The following DMXL1 variants were observed in gnomAD, a reference collection of about 807,000 sequenced individuals.
DMXL1 encodes the protein Dmx like 1, also known as dmX-like protein 1.
Under a neutral mutation model 319.2 loss-of-function variants are expected in DMXL1, and 99 were observed. That is an observed-to-expected ratio of 0.31 (90% CI 0.26 to 0.37). DMXL1 has a LOEUF of 0.37. Ranked by LOEUF, DMXL1 falls within the 10% of genes least tolerant of loss-of-function variation. The pLI is 1.00. For missense variants in DMXL1, 3,745 were observed against 3,595.6 expected (o/e 1.04, Z -1.06); for synonymous variants, 1,385 against 1,235.2 (o/e 1.12, Z -2.54).
rs928078735 is a variant in DMXL1, at chr5:119,071,310, C to G, written c.-260C>G. The G allele has an allele frequency of 4.1e-6, 2 of 487,098 alleles. No individual in the cohort carries two copies. Among genetic ancestry groups the G allele is most frequent in the Admixed American group, 8.0e-5 (2 of 25,110 alleles). The allele number at this position is 487,098 out of a possible 1,614,324, so 30.2% of individuals were successfully genotyped here. A position where few individuals can be genotyped will look rare whatever the true frequency, so the allele number is the denominator to read the frequency against. ...GAGGGGACCCTGAGCTTCACCTGGG[C>G]TAGCGCGGGGAGTGACAGGTGCGCG... On this transcript the variant is annotated 5_prime_UTR_variant, in exon 1 of 44. Transcript: ENST00000539542.
chr5:119,178,335 A>C (rs1776202795), intron 28 of DMXL1, 91 bp downstream of exon 28: 1 of 1,418,484 alleles, frequency 7.0e-7, no homozygotes, highest in Non-Finnish European at 9.6e-7. Flanking sequence ...TAGTTATAGA[A>C]AGTTCTGGTT....
At chr5:119,200,398 AC>A (rs1332527548) in intron 32 of DMXL1, among the ~76,000 whole-genome samples, 1 of 152,018 alleles carries the variant, frequency 6.6e-6, no homozygotes, top group Non-Finnish European at 1.5e-5. Flanking sequence ...GTGTCACCTT[AC>A]TTCCCAGTTC....
Position 119,170,380 on chromosome 5 carries a change from TG to T in DMXL1, c.5590del (p.Ala1864LeufsTer3). 1 of 1,613,984 alleles carries T rather than the reference TG, an allele frequency of 6.2e-7. No homozygotes were observed. Among genetic ancestry groups the T allele is most frequent in the Non-Finnish European group, 8.5e-7 (1 of 1,179,948 alleles). On this transcript the variant is annotated frameshift_variant, in exon 24 of 44. Coordinates refer to ENST00000539542, the MANE Select transcript of DMXL1 (RefSeq NM_001290321.3). LOFTEE classifies it high-confidence loss of function. The part of the protein sequence containing the change: ...ERRLFFTTAS[A>X]HLKAGCPMLA... ...GACGTTTATTTTTTACCACTGCCAGTGCTCATTTAAAAGCTGGCTGCCCAAT... is the reference window on the plus strand; with the variant it reads ...GACGTTTATTTTTTACCACTGCCAGTCTCATTTAAAAGCTGGCTGCCCAAT...
At chr5:119,093,753 A>C (rs1339413788) in intron 1 of DMXL1, among the ~76,000 whole-genome samples, 1 of 143,756 alleles carries the variant, frequency 7.0e-6, no homozygotes, top group Non-Finnish European at 1.5e-5. Context: ...GGAAACTATT[A>C]ATTAAAGTTC....
Position 119,129,257 on chromosome 5 carries a change from T to A in DMXL1, c.1149T>A (p.Asn383Lys), listed in dbSNP as rs924480604. Residue 383 changes from asparagine (N) to lysine (K), a missense_variant, in exon 10 of 44, where the codon AAT becomes AAA. By Grantham distance (94) the Asn-to-Lys change is moderately conservative. Transcript: ENST00000539542. The part of the protein sequence containing the change: ...PSITSLSLNE[N>K]EEKTGPFVVH... The stretch of plus-strand genomic sequence containing the variant: ...TTACATCTCTGAGTCTAAATGAAAA[T>A]GAAGAGAAGACCGGACCTTTTGTTG... The A allele has an allele frequency of 6.2e-7, 1 of 1,613,526 alleles. No homozygotes were observed. The highest frequency in any genetic ancestry group is 8.5e-7 in the Non-Finnish European group (1 of 1,179,686).
chr5:119,207,162 C>G (rs991793375), intron 34 of DMXL1, among the ~76,000 whole-genome samples: 1 of 152,036 alleles, frequency 6.6e-6, no homozygotes, highest in African/African-American at 2.4e-5. Flanking sequence ...AACTAAAGTT[C>G]TTAATACATG....
In DMXL1 at chr5:119,071,768, G is replaced by A. The variant is rs994382537; in HGVS notation, c.87+112G>A. ...GCGCGAGGTCTTGTCTCCCCAGGGG[G>A]GTCCTTACCACCCAGAACCCAGCAG... On this transcript the variant is annotated intron_variant, in intron 1 of 43. Transcript: ENST00000539542. 7 of 971,610 alleles carry A rather than the reference G, an allele frequency of 7.2e-6. No homozygotes were observed. The South Asian group carries it at 1.0e-4, about 14-fold the overall frequency. The allele number at this position is 971,610 out of a possible 1,614,324, so 60.2% of individuals were successfully genotyped here. A position where few individuals can be genotyped will look rare whatever the true frequency, so the allele number is the denominator to read the frequency against.
At position 119,171,922 on chromosome 5, in the gene DMXL1, A is replaced by T; in HGVS notation, c.6634A>T (p.Ile2212Leu). Reference sequence around the variant, plus strand: ...TCTGACACATGATATTCTCCATGCCATAATAAACTTTGATTCACCACCCCA... The same window carrying T: ...TCTGACACATGATATTCTCCATGCCTTAATAAACTTTGATTCACCACCCCA... ...SNLTHDILHA[I>L]INFDSPPHPD... Residue 2212 changes from isoleucine (I) to leucine (L), a missense_variant, in exon 25 of 44, where the codon ATA (isoleucine) becomes TTA (leucine). Around this residue, in one of 4 missense-constraint regions of DMXL1, gnomAD observed 1,382 missense variants for 1,269.5 expected, o/e 1.09. Coordinates refer to ENST00000539542, the MANE Select transcript of DMXL1 (RefSeq NM_001290321.3). The T allele has an allele frequency of 6.2e-7, 1 of 1,613,698 alleles. No individual in the cohort carries two copies. The highest frequency in any genetic ancestry group is 8.5e-7 in the Non-Finnish European group (1 of 1,179,766).
At chr5:119,157,721 G>T (rs1202406470) in intron 19 of DMXL1, among the ~76,000 whole-genome samples, 1 of 152,074 alleles carries the variant, frequency 6.6e-6, no homozygotes, top group Non-Finnish European at 1.5e-5. Context: ...GGTTACCCTA[G>T]CTTTGTAATA....
At chr5:119,159,454 T>C (rs1771785842) in intron 19 of DMXL1, among the ~76,000 whole-genome samples, 1 of 152,244 alleles carries the variant, frequency 6.6e-6, no homozygotes, top group Non-Finnish European at 1.5e-5. Context: ...TCTGTTCAGA[T>C]ATTTTATTTT....
chr5:119,173,797 T>TATATATATATATAA (rs1305561997), intron 25 of DMXL1, among the ~76,000 whole-genome samples: 1 of 130,756 alleles, frequency 7.6e-6, no homozygotes, highest in African/African-American at 2.8e-5. Context: ...TATATATATA[T>TATATATATATATAA]AATGAGAGAG....
intron 13 of DMXL1, among the ~76,000 whole-genome samples, chr5:119,137,192 A>G (rs1766202748): frequency 6.6e-6 from 1 of 152,236 alleles, no homozygotes; most frequent in Admixed American, 6.5e-5. Context: ...GGAGCTTAAG[A>G]TTTAATGACT....
chr5:119,199,398 G>C (rs1187001458), intron 32 of DMXL1, among the ~76,000 whole-genome samples: 2 of 152,176 alleles, frequency 1.3e-5, no homozygotes, highest in Non-Finnish European at 2.9e-5. Context: ...CAAAAGATGT[G>C]ATCTCATTCT....
chr5:119,131,844 CTG>C (rs961415456), intron 10 of DMXL1, among the ~76,000 whole-genome samples: 3 of 152,084 alleles, frequency 2.0e-5, no homozygotes, highest in South Asian at 2.1e-4. Flanking sequence ...AATATGAAAA[CTG>C]TTATGTTTTT....
chr5:119,146,983 C>T (rs775980380), intron 16 of DMXL1, 27 bp downstream of exon 16: 1 of 1,607,432 alleles, frequency 6.2e-7, no homozygotes, highest in Non-Finnish European at 8.5e-7. Context: ...TGTGTTTGTG[C>T]AACTTTAATA....
intron 15 of DMXL1, among the ~76,000 whole-genome samples, chr5:119,145,264 C>G (rs181994852): frequency 1.3e-5 from 2 of 151,878 alleles, no homozygotes; most frequent in African/African-American, 4.8e-5. Flanking sequence ...AATATCTTCT[C>G]CATTTGTTCA....
chr5:119,174,734 A>T (rs1298035605), intron 25 of DMXL1, among the ~76,000 whole-genome samples: 6 of 152,248 alleles, frequency 3.9e-5, no homozygotes, highest in African/African-American at 1.4e-4. Flanking sequence ...CTTAAAACAA[A>T]TGCCTGACTC....
At chr5:119,086,133 C>T (rs1207814706) in intron 1 of DMXL1, among the ~76,000 whole-genome samples, 1 of 152,300 alleles carries the variant, frequency 6.6e-6, no homozygotes, top group Admixed American at 6.5e-5. Flanking sequence ...AAAGGCACAT[C>T]TCACATGGCA....
rs1422831213 is a variant in DMXL1 at position 119,116,221 on chromosome 5, G to C, written c.628G>C (p.Asp210His). Residue 210 changes from aspartate to histidine, a missense_variant, in exon 7 of 44, where the codon GAT becomes CAT. Physicochemically the swap from Asp to His is moderately conservative, Grantham distance 81 (BLOSUM62 -1). This residue lies in a region of DMXL1 where 2,096 missense variants were observed against 1,985.4 expected (regional missense o/e 1.06). Transcript: ENST00000539542. ...ENWRTAVTSP[D>H]GSSEKQSQGE... ...CTGGCGGACAGCTGTTACTTCTCCA[G>C]ATGGAAGTTCAGAAAAACAATCCCA... 4 of 1,613,798 alleles carry C rather than the reference G, an allele frequency of 2.5e-6. No homozygotes were observed. Among genetic ancestry groups the C allele is most frequent in the Non-Finnish European group, 3.4e-6 (4 of 1,179,968 alleles).
Sources: allele counts gnomAD v4.1 joint callset (sites outside exome capture counted in the v4.1 genomes callset), GRCh38; gene constraint gnomAD v4.1.1; regional missense constraint gnomAD v4.1.1; transcripts MANE v1.5; gene names NCBI Gene and HGNC (gene_info 2026-07-23, HGNC 2026-07-21).